The following AP1S2 variants were observed in gnomAD, a reference collection of about 807,000 sequenced individuals.
The protein encoded by AP1S2 is adaptor related protein complex 1 subunit sigma 2.
A neutral mutation model predicts 14.3 loss-of-function variants in AP1S2; 1 was observed. That is an observed-to-expected ratio of 0.07 (90% CI 0.02 to 0.33). The LOEUF (loss-of-function observed/expected upper bound fraction) is 0.33, where lower values mean the gene tolerates loss of function less well. AP1S2 is among the 10% of genes least tolerant of loss of function. The probability of loss-of-function intolerance (pLI) is 0.99; values close to 1 mark genes in which losing one functional copy is unlikely to be tolerated. For synonymous variants in AP1S2, 30 were observed against 40.5 expected (o/e 0.74, Z 0.99); for missense variants, 30 against 117.7 (o/e 0.25, Z 3.45).
intron 4 of AP1S2, among the ~76,000 whole-genome samples, chrX:15,834,964 T>C (rs1378799525): frequency 9.0e-6 from 1 of 110,879 alleles, no homozygotes; most frequent in Non-Finnish European, 1.9e-5. Flanking sequence ...TCTCAAAACC[T>C]AAGACAAGCC....
intron 4 of AP1S2, among the ~76,000 whole-genome samples, chrX:15,828,723 C>T (rs955937302): frequency 3.7e-5 from 4 of 108,501 alleles, no homozygotes; most frequent in Non-Finnish European, 5.7e-5. Flanking sequence ...AGTATGATGG[C>T]CAAATCCATA....
chrX:15,847,283 C>A, intron 2 of AP1S2, among the ~76,000 whole-genome samples: 1 of 106,364 alleles, frequency 9.4e-6, no homozygotes, highest in African/African-American at 3.5e-5. Context: ...TTTTCAACAG[C>A]AAGTACTATC....
intron 2 of AP1S2, among the ~76,000 whole-genome samples, chrX:15,849,312 G>T (rs772734475): frequency 1.8e-5 from 2 of 112,562 alleles, no homozygotes; most frequent in East Asian, 5.6e-4. Flanking sequence ...TTGCTGATAT[G>T]AACAGCAGAA....
intron 4 of AP1S2, among the ~76,000 whole-genome samples, chrX:15,836,600 G>T (rs1438841715): frequency 8.9e-6 from 1 of 112,408 alleles, no homozygotes; most frequent in Non-Finnish European, 1.9e-5. Flanking sequence ...AAAAGCAGAG[G>T]CCAGGTGCAG....
At position 15,837,643 on chromosome X, in the gene AP1S2, T is replaced by C. The variant is rs959204672; in HGVS notation, c.426+7736A>G. Among the ~76,000 whole-genome samples, 6 of 100,717 alleles carry C rather than the reference T, an allele frequency of 6.0e-5. No homozygotes were observed. In the Admixed American group the frequency reaches 6.6e-4, roughly 11 times the overall value. 87.5% of individuals were successfully genotyped at this position (100,717 alleles called of 115,157 possible). A position where few individuals can be genotyped will look rare whatever the true frequency, so the allele number is the denominator to read the frequency against. ...TTTTTTTTGAGACGGAGTCTTACTC[T>C]GTCGCCAGGCTAGAGTGCAGTGGCG... On this transcript the variant is annotated intron_variant, in intron 4 of 5. Coordinates refer to ENST00000672987, the MANE Select transcript of AP1S2 (RefSeq NM_001272071.2).
chrX:15,849,039 A>G (rs980570725), intron 2 of AP1S2, among the ~76,000 whole-genome samples: 1 of 112,345 alleles, frequency 8.9e-6, no homozygotes, highest in African/African-American at 3.2e-5. Context: ...TACACAAAAC[A>G]GGAATCAAAA....
chrX:15,845,612 C>T (rs766119174), intron 3 of AP1S2, 96 bp from the exon 4 acceptor site: 4 of 1,060,197 alleles, frequency 3.8e-6, no homozygotes, highest in Middle Eastern at 3.7e-4. Context: ...TGAATAAAAT[C>T]GAACTAGAGT....
chrX:15,843,521 C>T (rs768949115), intron 4 of AP1S2, among the ~76,000 whole-genome samples: 6 of 112,009 alleles, frequency 5.4e-5, no homozygotes, highest in African/African-American at 1.9e-4. Flanking sequence ...TGTCATTGCA[C>T]TCCAGCCTGG....
intron 4 of AP1S2, chrX:15,832,049 C>T (rs1933451218): frequency 2.7e-6 from 2 of 750,568 alleles, no homozygotes; most frequent in Non-Finnish European, 1.6e-6. Flanking sequence ...AGGTTTTTAA[C>T]CGTTTACTTA....
At chrX:15,827,524 G>A (rs1933302027) in intron 5 of AP1S2, 152 bp from the exon 6 acceptor site, 1 of 570,772 alleles carries the variant, frequency 1.8e-6, no homozygotes, top group East Asian at 3.5e-5. Flanking sequence ...TGGTTATTTA[G>A]GGTTTTGTGC....
chrX:15,835,334 G>A (rs1016934616), intron 4 of AP1S2, among the ~76,000 whole-genome samples: 4 of 111,772 alleles, frequency 3.6e-5, no homozygotes. Context: ...TCACATTCTA[G>A]AACACAATGG....
chrX:15,852,321 C>T (rs1026822231), intron 2 of AP1S2, 25 bp downstream of exon 2: 1 of 1,194,328 alleles, frequency 8.4e-7, no homozygotes, highest in African/African-American at 1.8e-5. Flanking sequence ...TTCTATTTCA[C>T]CTTTCTGACA....
At chrX:15,834,648 G>GTTT (rs1321975063) in intron 4 of AP1S2, among the ~76,000 whole-genome samples, 3 of 84,292 alleles carry the variant, frequency 3.6e-5, no homozygotes, top group Non-Finnish European at 4.6e-5. Context: ...GCTAATTTTT[G>GTTT]TATTTTTTTT....
chrX:15,846,831 C>T (rs1934014300), intron 2 of AP1S2, among the ~76,000 whole-genome samples: 1 of 111,708 alleles, frequency 9.0e-6, no homozygotes, highest in Non-Finnish European at 1.9e-5. Flanking sequence ...TTTATTTACC[C>T]TAGAAGAGGG....
intron 1 of AP1S2, among the ~76,000 whole-genome samples, 153 bp downstream of exon 1, chrX:15,854,535 G>A (rs1934277730): frequency 9.0e-6 from 1 of 111,650 alleles, no homozygotes; most frequent in Non-Finnish European, 1.9e-5. Flanking sequence ...CGGACACGGA[G>A]AGAAGTGAGT....
chrX:15,852,044 C>G (rs1934196540), intron 2 of AP1S2, among the ~76,000 whole-genome samples: 1 of 112,231 alleles, frequency 8.9e-6, no homozygotes, highest in Non-Finnish European at 1.9e-5. Context: ...ACTGACCCTA[C>G]TTTCCCCTGC....
At chrX:15,842,944 T>C (rs755971183) in intron 4 of AP1S2, among the ~76,000 whole-genome samples, 2 of 107,390 alleles carry the variant, frequency 1.9e-5, no homozygotes, top group African/African-American at 6.8e-5. Context: ...GAGGATTGCT[T>C]GAACACAGGA....
intron 4 of AP1S2, among the ~76,000 whole-genome samples, chrX:15,836,980 C>G (rs1324374981): frequency 8.9e-6 from 1 of 111,760 alleles, no homozygotes; most frequent in Non-Finnish European, 1.9e-5. Context: ...CCAGGCTGGT[C>G]TCAAACTTCT....
intron 4 of AP1S2, among the ~76,000 whole-genome samples, chrX:15,841,742 A>G (rs764865763): frequency 8.9e-5 from 10 of 112,018 alleles, no homozygotes; most frequent in Non-Finnish European, 1.7e-4. Flanking sequence ...TAGGAAATCT[A>G]CTCTTTTCCA....
Sources: gnomAD v4.1 joint callset for allele counts (sites outside exome capture counted in the v4.1 genomes callset) on GRCh38, gnomAD v4.1.1 for gene constraint, MANE v1.5 for transcripts, NCBI Gene and HGNC (gene_info 2026-07-23, HGNC 2026-07-21) for gene names.